ANXA6: variants seen among roughly 807,000 people sequenced by gnomAD.
The protein encoded by ANXA6 is annexin A6.
ANXA6 carries 71 observed loss-of-function variants against 95.4 expected under a neutral mutation model. The observed-to-expected ratio is 0.74, with a 90% CI of 0.61 to 0.91. The LOEUF is 0.91. Ranked by LOEUF, ANXA6 falls within the 40% of genes least tolerant of loss-of-function variation. The pLI is 0.00. For synonymous variants in ANXA6, 289 were observed against 315.9 expected, an observed-to-expected ratio of 0.91 and a Z score of 0.90; for missense variants, 830 against 876.4, an observed-to-expected ratio of 0.95 and a Z score of 0.67.
At chr5:151,137,388 T>C in intron 5 of ANXA6, 67 bp from the exon 6 acceptor site, 1 of 1,371,678 alleles carries the variant, frequency 7.3e-7, no homozygotes, top group Non-Finnish European at 1.0e-6. Context: ...CAGGTTGGGA[T>C]CAGGGAGTGG....
At chr5:151,132,032 T>C (rs1411111602) in intron 10 of ANXA6, among the ~76,000 whole-genome samples, 1 of 152,062 alleles carries the variant, frequency 6.6e-6, no homozygotes, top group African/African-American at 2.4e-5. Context: ...TACCCCCAAC[T>C]CATTACAAAA....
chr5:151,120,918 C>T (rs370759368), intron 17 of ANXA6, among the ~76,000 whole-genome samples: 1 of 152,146 alleles, frequency 6.6e-6, no homozygotes, highest in East Asian at 1.9e-4. Flanking sequence ...CCTCGTCTCC[C>T]CCTAACTCAC....
At chr5:151,104,474 C>G (rs913558489) in intron 24 of ANXA6, among the ~76,000 whole-genome samples, 9 of 152,236 alleles carry the variant, frequency 5.9e-5, no homozygotes, top group Non-Finnish European at 1.0e-4. Flanking sequence ...TTTACCCTAC[C>G]TAGGCCTGAG....
At chr5:151,115,630 G>A (rs1053915236) in intron 20 of ANXA6, among the ~76,000 whole-genome samples, 2 of 152,202 alleles carry the variant, frequency 1.3e-5, no homozygotes, top group Non-Finnish European at 2.9e-5. Context: ...AGCAGCACAC[G>A]AGGCTGTTCA....
chr5:151,117,876 A>G, intron 18 of ANXA6, 39 bp from the exon 19 acceptor site: 1 of 1,573,228 alleles, frequency 6.4e-7, no homozygotes, highest in East Asian at 2.2e-5. Context: ...CTGCTGGCCA[A>G]GAAGGATTTG....
At chr5:151,140,788 G>A (rs1765813911) in intron 2 of ANXA6, among the ~76,000 whole-genome samples, 1 of 152,108 alleles carries the variant, frequency 6.6e-6, no homozygotes, top group Non-Finnish European at 1.5e-5. Context: ...TGTCATTAGT[G>A]TAGCCATTTG....
chr5:151,129,328 TC>T, intron 12 of ANXA6, 78 bp downstream of exon 12: 1 of 1,557,704 alleles, frequency 6.4e-7, no homozygotes, highest in Non-Finnish European at 8.8e-7. Context: ...CATTTCCTTT[TC>T]CTGGGAATAG....
At chr5:151,125,228 G>C (rs1048531763) in intron 14 of ANXA6, among the ~76,000 whole-genome samples, 1 of 151,522 alleles carries the variant, frequency 6.6e-6, no homozygotes, top group African/African-American at 2.4e-5. Context: ...TCCACCTGAG[G>C]TCCCAGCTAC....
intron 1 of ANXA6, among the ~76,000 whole-genome samples, chr5:151,149,985 G>T (rs1766069775): frequency 6.6e-6 from 1 of 152,070 alleles, no homozygotes; most frequent in Non-Finnish European, 1.5e-5. Context: ...CAGGTGTGAT[G>T]GTGTGTGCCT....
intron 22 of ANXA6, among the ~76,000 whole-genome samples, chr5:151,109,080 G>A (rs1309200124): frequency 3.3e-5 from 5 of 152,118 alleles, no homozygotes; most frequent in African/African-American, 1.2e-4. Context: ...CTACGTAAGG[G>A]AGCTCAGGCG....
chr5:151,118,663 A>G (rs893633799), intron 18 of ANXA6, among the ~76,000 whole-genome samples: 3 of 152,024 alleles, frequency 2.0e-5, no homozygotes, highest in Admixed American at 2.0e-4. Context: ...TGAACTTCTG[A>G]CCTCAAGGGA....
chr5:151,117,759 G>A lies in ANXA6; in HGVS notation c.1517C>T (p.Thr506Met), dbSNP rs112329421. The A allele has an allele frequency of 2.7e-5, 43 of 1,613,272 alleles. No homozygotes were observed. The highest frequency in any genetic ancestry group is 8.8e-5 in the South Asian group (8 of 90,988). The change falls in exon 19 of 26, where the codon ACG becomes ATG. Residue 506 changes from threonine (T) to methionine (M), a missense_variant and splice_region_variant. Transcript: ENST00000354546. ...HFRRILISLATGHREEGGENL... is the reference protein window; with the variant it reads ...HFRRILISLAMGHREEGGENL... The stretch of plus-strand genomic sequence containing the variant: ...CCTGGGGCCCATGAATTCACTCACC[G>A]TGGCCAGAGAAATGAGGATCCTCCT...
intron 23 of ANXA6, among the ~76,000 whole-genome samples, chr5:151,107,704 A>C (rs563879333): frequency 1.3e-5 from 2 of 152,368 alleles, no homozygotes; most frequent in South Asian, 4.1e-4. Flanking sequence ...TATTAATGAG[A>C]ATAACTTCAG....
chr5:151,127,469 G>T (rs147323358), intron 13 of ANXA6, among the ~76,000 whole-genome samples: 2 of 152,066 alleles, frequency 1.3e-5, no homozygotes, highest in Non-Finnish European at 2.9e-5. Flanking sequence ...GCATGACTTC[G>T]GACATATGAA....
Position 151,100,717 on chromosome 5 carries a change from G to C in ANXA6, c.*731C>G, listed in dbSNP as rs1764522746. The C allele has an allele frequency of 2.7e-6, 1 of 374,942 alleles. No homozygotes were observed. Among genetic ancestry groups the C allele is most frequent in the Non-Finnish European group, 5.3e-6 (1 of 188,938 alleles). The allele number at this position is 374,942 out of a possible 1,614,324, so 23.2% of individuals were successfully genotyped here. On this transcript the variant is annotated 3_prime_UTR_variant, in exon 26 of 26. Transcript: ENST00000354546. ...GCCCTCACTGGAAATGTGTTTATGT[G>C]TTTGTGTATCTCTTTTTATTTCTTC...
chr5:151,124,426 G>T, intron 14 of ANXA6, 59 bp from the exon 15 acceptor site: 3 of 1,522,064 alleles, frequency 2.0e-6, no homozygotes, highest in Non-Finnish European at 1.8e-6. Flanking sequence ...GGACCAGGCT[G>T]AAAGACAGCA....
chr5:151,127,717 T>C (rs1182443652), intron 13 of ANXA6, among the ~76,000 whole-genome samples: 1 of 152,186 alleles, frequency 6.6e-6, no homozygotes, highest in Non-Finnish European at 1.5e-5. Flanking sequence ...TGGAAACTGG[T>C]CTATACCCTT....
At chr5:151,117,732 G>A (rs201607632) in intron 19 of ANXA6, 26 bp downstream of exon 19, 39 of 1,605,642 alleles carry the variant, frequency 2.4e-5, no homozygotes, top group South Asian at 6.6e-5. Context: ...TGGGCAAGCC[G>A]ACCTGGGGCC....
Position 151,124,287 on chromosome 5 carries a change from G to A in ANXA6, c.1137C>T (p.Leu379=), listed in dbSNP as rs769017214. Residue 379 remains leucine (L), a splice_region_variant and synonymous_variant, in exon 15 of 26, where the codon CTC becomes CTT. Transcript: ENST00000354546. ...CTGCTCCCTTCCCATCCCCCATACC[G>A]AGTCCCTTCATGGCTTTCCGCAGCG... ...AKALRKAMKG[L]GTDEDTIIDI... 4.6e-5 allele frequency: 74 copies of A among 1,613,206 alleles called. No homozygotes were observed. Among genetic ancestry groups the A allele is most frequent in the Non-Finnish European group, 5.8e-5 (69 of 1,179,672 alleles).
Sources: allele counts gnomAD v4.1 joint callset (sites outside exome capture counted in the v4.1 genomes callset), GRCh38; gene constraint gnomAD v4.1.1; transcripts MANE v1.5; gene names NCBI Gene and HGNC (gene_info 2026-07-23, HGNC 2026-07-21).